Variants in GDI2 observed in about 807,000 individuals in gnomAD.
GDI2 encodes rab GDP dissociation inhibitor beta.
GDI2 carries 22 observed loss-of-function variants against 54.2 expected under a neutral mutation model. The observed-to-expected ratio is 0.41, with a 90% CI of 0.29 to 0.58. The LOEUF (loss-of-function observed/expected upper bound fraction) is 0.58, where lower values mean the gene tolerates loss of function less well. GDI2 is among the 20% of genes least tolerant of loss of function. The pLI is 0.35. For missense variants in GDI2, 422 were observed against 546.0 expected, an observed-to-expected ratio of 0.77 and a Z score of 2.26; for synonymous variants, 177 against 182.1, an observed-to-expected ratio of 0.97 and a Z score of 0.23.
chr10:5,783,104 A>G (rs1840798632), intron 6 of GDI2, among the ~76,000 whole-genome samples: 1 of 152,170 alleles, frequency 6.6e-6, no homozygotes, highest in Non-Finnish European at 1.5e-5. Context: ...GGGGGGCAGT[A>G]TTCATTATGA....
chr10:5,766,176 T>A lies in GDI2; in HGVS notation c.1192-24A>T. The A allele has an allele frequency of 6.2e-7, 1 of 1,613,054 alleles. No individual in the cohort carries two copies. Among genetic ancestry groups the A allele is most frequent in the Non-Finnish European group, 8.5e-7 (1 of 1,178,958 alleles). On this transcript the variant is annotated intron_variant, in intron 10 of 10. Coordinates refer to ENST00000380191, the MANE Select transcript of GDI2 (RefSeq NM_001494.4). The surrounding 1 kb of genome is among the most constrained non-coding windows in gnomAD (Gnocchi z 5.8). ...ATCTGAAAACAAAAATTACGAAGACTTAAGACCATGGAGGGATGTCTTCCA... is the reference window on the plus strand; with the variant it reads ...ATCTGAAAACAAAAATTACGAAGACATAAGACCATGGAGGGATGTCTTCCA...
At position 5,765,991 on chromosome 10, in the gene GDI2, T is replaced by C. The variant is rs143070593; in HGVS notation, c.*15A>G. ...TTTTAAATGTGTCCTAATTACATAA[T>C]AACATGTACTGCTGTTAGTCTTCCC... On this transcript the variant is annotated 3_prime_UTR_variant, in exon 11 of 11. Transcript: ENST00000380191. 1.4e-5 allele frequency: 22 copies of C among 1,557,836 alleles called. No individual in the cohort carries two copies. Among genetic ancestry groups the C allele is most frequent in the East Asian group, 4.5e-5 (2 of 44,440 alleles).
At chr10:5,804,842 T>TA (rs988680628) in intron 1 of GDI2, among the ~76,000 whole-genome samples, 5 of 152,174 alleles carry the variant, frequency 3.3e-5, no homozygotes, top group South Asian at 2.1e-4. Flanking sequence ...CTTTTTTTTT[T>TA]TTTTATTAAA....
intron 6 of GDI2, among the ~76,000 whole-genome samples, chr10:5,775,489 C>A (rs776343958): frequency 6.6e-6 from 1 of 152,118 alleles, no homozygotes; most frequent in Non-Finnish European, 1.5e-5. Context: ...TGCCTGCAGT[C>A]CTATTGATTT....
At chr10:5,810,845 A>C (rs917094122) in intron 1 of GDI2, among the ~76,000 whole-genome samples, 9 of 152,182 alleles carry the variant, frequency 5.9e-5, no homozygotes, top group Admixed American at 3.3e-4. Context: ...CTTCTTGATT[A>C]AGATAACTAT....
At chr10:5,809,311 C>T (rs1312898956) in intron 1 of GDI2, among the ~76,000 whole-genome samples, 1 of 151,756 alleles carries the variant, frequency 6.6e-6, no homozygotes, top group Non-Finnish European at 1.5e-5. Context: ...TTATATCACT[C>T]TCCTGCTCAA....
At chr10:5,795,075 T>C (rs10752110) in intron 3 of GDI2, 56 bp from the exon 4 acceptor site, 623,927 of 1,099,810 alleles carry the variant, frequency 0.57, 181,645 homozygotes, top group Middle Eastern at 0.66. Context: ...ATAAAGAACA[T>C]TTACTAATAC....
intron 4 of GDI2, among the ~76,000 whole-genome samples, chr10:5,792,047 AAAC>A (rs1292047676): frequency 6.6e-6 from 1 of 152,242 alleles, no homozygotes; most frequent in Non-Finnish European, 1.5e-5. Flanking sequence ...ATTATATGAG[AAAC>A]AACTAAGGAG....
chr10:5,782,029 C>G (rs1347102022), intron 6 of GDI2, among the ~76,000 whole-genome samples: 2 of 152,060 alleles, frequency 1.3e-5, no homozygotes, highest in Non-Finnish European at 2.9e-5. Flanking sequence ...AAAGTTAACA[C>G]TTATGCTTAT....
intron 1 of GDI2, among the ~76,000 whole-genome samples, chr10:5,805,195 T>C (rs757621242): frequency 9.9e-5 from 15 of 152,014 alleles, no homozygotes; most frequent in Non-Finnish European, 2.1e-4. Flanking sequence ...GTGTGGTTCC[T>C]GACTTGGCAT....
chr10:5,777,445 G>A (rs1840651347), intron 6 of GDI2, among the ~76,000 whole-genome samples: 2 of 152,160 alleles, frequency 1.3e-5, no homozygotes, highest in African/African-American at 4.8e-5. Flanking sequence ...TCCAACTCCA[G>A]CCTGGGTGAC....
Position 5,768,443 on chromosome 10 carries a change from C to CAT in GDI2, c.820-61_820-60dup. The CAT allele has an allele frequency of 1.8e-6, 2 of 1,087,908 alleles. No homozygotes were observed. Among genetic ancestry groups the CAT allele is most frequent in the Non-Finnish European group, 2.8e-6 (2 of 718,454 alleles). 67.4% of individuals were successfully genotyped at this position (1,087,908 alleles called of 1,614,324 possible). ...GACAAGGATATAGGGAAACACATCCCATGTTCATAGTTTGGAAGACTTAGT... is the reference window on the plus strand; with the variant it reads ...GACAAGGATATAGGGAAACACATCCCATATGTTCATAGTTTGGAAGACTTAGT... On this transcript the variant is annotated intron_variant, in intron 7 of 10. Transcript: ENST00000380191. The surrounding 1 kb of genome is among the most constrained non-coding windows in gnomAD (Gnocchi z 4.4).
chr10:5,798,646 AG>A (rs1429722567), intron 2 of GDI2, among the ~76,000 whole-genome samples: 1 of 152,076 alleles, frequency 6.6e-6, no homozygotes, highest in Non-Finnish European at 1.5e-5. Flanking sequence ...GAGAAAAAAA[AG>A]AAAAGAAATC....
chr10:5,788,292 C>A (rs1377908382), intron 4 of GDI2, among the ~76,000 whole-genome samples: 1 of 152,060 alleles, frequency 6.6e-6, no homozygotes, highest in African/African-American at 2.4e-5. Flanking sequence ...AGCCACTGCA[C>A]CTAGTCCCTA....
intron 4 of GDI2, among the ~76,000 whole-genome samples, chr10:5,793,964 G>A (rs913811140): frequency 6.6e-6 from 1 of 151,590 alleles, no homozygotes; most frequent in African/African-American, 2.4e-5. Flanking sequence ...AGGAGTTCAA[G>A]ACCAGCCTGG....
chr10:5,808,837 G>C (rs1654994113), intron 1 of GDI2, among the ~76,000 whole-genome samples: 1 of 151,150 alleles, frequency 6.6e-6, no homozygotes, highest in African/African-American at 2.4e-5. Flanking sequence ...AAATTAACCA[G>C]AAAAATTTTA....
At chr10:5,780,416 C>T (rs1840730129) in intron 6 of GDI2, among the ~76,000 whole-genome samples, 1 of 151,688 alleles carries the variant, frequency 6.6e-6, no homozygotes, top group Non-Finnish European at 1.5e-5. Context: ...GAAGTCCTAA[C>T]AAGTGCAATA....
intron 6 of GDI2, among the ~76,000 whole-genome samples, chr10:5,775,387 G>A (rs949642784): frequency 2.0e-5 from 3 of 152,192 alleles, no homozygotes; most frequent in African/African-American, 7.2e-5. Context: ...GGAACCAAGT[G>A]GGTGAGAGCT....
In GDI2 at chr10:5,794,188, A is replaced by T. The variant is rs11591868; in HGVS notation, c.388+697T>A. On this transcript the variant is annotated intron_variant, in intron 4 of 10. Coordinates refer to ENST00000380191, the MANE Select transcript of GDI2 (RefSeq NM_001494.4). ...TCTTTAAAAGAAAAAAAAAAAAAAA[A>T]ATATATATATATATATATATATATA... Among the ~76,000 whole-genome samples, 94 of 40,322 alleles carry T rather than the reference A, an allele frequency of 2.3e-3. 2 individuals are homozygous for T. The highest frequency in any genetic ancestry group is 2.8e-3 in the Non-Finnish European group (67 of 23,824). 26.5% of individuals were successfully genotyped at this position (40,322 alleles called of 152,430 possible). A position where few individuals can be genotyped will look rare whatever the true frequency, so the allele number is the denominator to read the frequency against.
Sources: gnomAD v4.1 joint callset for allele counts (sites outside exome capture counted in the v4.1 genomes callset) on GRCh38, gnomAD v4.1.1 for gene constraint, Gnocchi (gnomAD v3.1) non-coding constraint, MANE v1.5 for transcripts, NCBI Gene and HGNC (gene_info 2026-07-23, HGNC 2026-07-21) for gene names.